ARHGAP6: variants seen among roughly 807,000 people sequenced by gnomAD.
ARHGAP6 encodes Rho GTPase activating protein 6.
A neutral mutation model predicts 55.7 loss-of-function variants in ARHGAP6; 16 were observed. That is an observed-to-expected ratio of 0.29 (90% CI 0.19 to 0.44). ARHGAP6 has a LOEUF of 0.44. Among genes scored for constraint, ARHGAP6 ranks in the 20% least tolerant of loss-of-function variants. ARHGAP6 has a pLI of 1.00. For missense variants in ARHGAP6, 698 were observed against 808.9 expected (o/e 0.86, Z 1.66); for synonymous variants, 382 against 360.9 (o/e 1.06, Z -0.66).
chrX:11,340,338 A>G (rs887848959), intron 1 of ARHGAP6, among the ~76,000 whole-genome samples: 11 of 111,544 alleles, frequency 9.9e-5, no homozygotes, highest in African/African-American at 3.6e-4. Flanking sequence ...TGATTACCCC[A>G]TGTGTCCCCA....
intron 1 of ARHGAP6, among the ~76,000 whole-genome samples, chrX:11,469,331 T>C (rs1252444468): frequency 8.9e-6 from 1 of 112,897 alleles, no homozygotes. Flanking sequence ...ATTCTATTTC[T>C]AATTCTAGAA....
chrX:11,174,600 C>CTT (rs1354856612), intron 8 of ARHGAP6, among the ~76,000 whole-genome samples: 6 of 87,375 alleles, frequency 6.9e-5, no homozygotes, highest in East Asian at 6.9e-4. Flanking sequence ...CTTTTTCTTT[C>CTT]TTTCTTTCTT....
At chrX:11,364,719 C>G (rs967942456) in intron 1 of ARHGAP6, among the ~76,000 whole-genome samples, 1 of 111,593 alleles carries the variant, frequency 9.0e-6, no homozygotes, top group East Asian at 2.8e-4. Context: ...AAATAAGATG[C>G]AAATATAATT....
chrX:11,647,643 C>T (rs965825031), intron 1 of ARHGAP6, among the ~76,000 whole-genome samples: 4 of 112,232 alleles, frequency 3.6e-5, no homozygotes, highest in Non-Finnish European at 5.6e-5. Context: ...TGCATCTTAT[C>T]AACACGCATA....
At chrX:11,250,954 C>T (rs775821582) in intron 2 of ARHGAP6, among the ~76,000 whole-genome samples, 6 of 112,211 alleles carry the variant, frequency 5.3e-5, no homozygotes, top group South Asian at 3.8e-4. Context: ...CTAGAAAAGT[C>T]CTAACTCAAA....
At chrX:11,571,889 T>C (rs1002770632) in intron 1 of ARHGAP6, among the ~76,000 whole-genome samples, 2 of 108,237 alleles carry the variant, frequency 1.8e-5, no homozygotes, top group East Asian at 2.9e-4. Flanking sequence ...GTCTCAAAAA[T>C]AAAAAATTAT....
At chrX:11,377,681 G>A (rs963427217) in intron 1 of ARHGAP6, among the ~76,000 whole-genome samples, 7 of 111,589 alleles carry the variant, frequency 6.3e-5, no homozygotes, top group Non-Finnish European at 1.3e-4. Context: ...TAGTCCCCTC[G>A]TGAGCGGGAT....
chrX:11,235,460 C>G (rs759045333), intron 2 of ARHGAP6, among the ~76,000 whole-genome samples: 1 of 110,702 alleles, frequency 9.0e-6, no homozygotes, highest in African/African-American at 3.3e-5. Context: ...TCTGACATGC[C>G]CTGGAGACAT....
At chrX:11,276,446 C>A (rs1005298557) in intron 1 of ARHGAP6, among the ~76,000 whole-genome samples, 1 of 111,903 alleles carries the variant, frequency 8.9e-6, no homozygotes, top group African/African-American at 3.2e-5. Context: ...AGCATGGAAA[C>A]AAGACCAGCA....
intron 1 of ARHGAP6, chrX:11,266,113 GTTGGGGAGGAGGAA>G: frequency 1.1e-5 from 2 of 175,806 alleles, no homozygotes; most frequent in Non-Finnish European, 1.8e-5. Flanking sequence ...GAGAGAGAGA[GTTGGGGAGGAGGAA>G]AGAGGGGAGG....
At chrX:11,273,655 A>ATT (rs5901448) in intron 1 of ARHGAP6, among the ~76,000 whole-genome samples, 66 of 105,681 alleles carry the variant, frequency 6.2e-4, no homozygotes, top group African/African-American at 9.3e-4. Context: ...CTATGGGTAG[A>ATT]TTTTTTTTTT....
chrX:11,417,813 C>T (rs1240311737), intron 1 of ARHGAP6, among the ~76,000 whole-genome samples: 2 of 111,906 alleles, frequency 1.8e-5, no homozygotes, highest in African/African-American at 3.2e-5. Flanking sequence ...AGCCCCACTA[C>T]GTACTAGCTG....
chrX:11,517,900 G>A (rs2050861372), intron 1 of ARHGAP6, among the ~76,000 whole-genome samples: 1 of 110,570 alleles, frequency 9.0e-6, no homozygotes, highest in South Asian at 3.9e-4. Flanking sequence ...TGGGTTGATA[G>A]GTACAGCAAA....
chrX:11,658,632 T>C (rs2052663816), intron 1 of ARHGAP6, among the ~76,000 whole-genome samples: 1 of 107,437 alleles, frequency 9.3e-6, no homozygotes, highest in African/African-American at 3.4e-5. Context: ...TATTTAGAAA[T>C]CCCTTATTTT....
chrX:11,318,242 C>T (rs1025790407), intron 1 of ARHGAP6, among the ~76,000 whole-genome samples: 1 of 111,763 alleles, frequency 8.9e-6, no homozygotes, highest in African/African-American at 3.3e-5. Flanking sequence ...ACTTTAAGTT[C>T]ATAGCATAGT....
chrX:11,149,327 T>G (rs960382664), intron 10 of ARHGAP6, among the ~76,000 whole-genome samples: 1 of 112,126 alleles, frequency 8.9e-6, no homozygotes, highest in Non-Finnish European at 1.9e-5. Flanking sequence ...ACATTCTCCC[T>G]CCATCTTGAA....
At chrX:11,448,173 T>C (rs923843255) in intron 1 of ARHGAP6, among the ~76,000 whole-genome samples, 2 of 112,548 alleles carry the variant, frequency 1.8e-5, no homozygotes, top group South Asian at 3.7e-4. Flanking sequence ...TTGGAAATCT[T>C]AACCTCAAAT....
chrX:11,331,681 C>T (rs1351647885), intron 1 of ARHGAP6, among the ~76,000 whole-genome samples: 4 of 111,807 alleles, frequency 3.6e-5, no homozygotes, highest in African/African-American at 1.3e-4. Flanking sequence ...GGCATTTAGT[C>T]AGGCCCACTA....
chrX:11,573,152 G>T (rs1601658648), intron 1 of ARHGAP6, among the ~76,000 whole-genome samples: 1 of 110,802 alleles, frequency 9.0e-6, no homozygotes, highest in East Asian at 2.8e-4. Context: ...TCACTCTGAT[G>T]GTAGTTTCTT....
Sources: allele counts gnomAD v4.1 joint callset (sites outside exome capture counted in the v4.1 genomes callset), GRCh38; gene constraint gnomAD v4.1.1; transcripts MANE v1.5; gene names NCBI Gene and HGNC (gene_info 2026-07-23, HGNC 2026-07-21).